The following SFMBT1 variants were observed in gnomAD, a reference collection of about 807,000 sequenced individuals.
SFMBT1 encodes the protein scm-like with four MBT domains protein 1.
SFMBT1 carries 32 observed loss-of-function variants against 108.7 expected under a neutral mutation model. That is an observed-to-expected ratio of 0.29 (90% CI 0.22 to 0.40). The LOEUF (loss-of-function observed/expected upper bound fraction) is 0.40. SFMBT1 is among the 10% of genes least tolerant of loss of function. The pLI, the probability that SFMBT1 is intolerant of heterozygous loss-of-function variation, is 1.00. For synonymous variants in SFMBT1, 348 were observed against 369.5 expected (o/e 0.94, Z 0.67); for missense variants, 816 against 1,059.6 (o/e 0.77, Z 3.19).
chr3:52,972,873 C>CACACAT (rs1553639763), intron 1 of SFMBT1, among the ~76,000 whole-genome samples: 41 of 150,214 alleles, frequency 2.7e-4, no homozygotes, highest in African/African-American at 9.7e-4. Flanking sequence ...CACACACACA[C>CACACAT]ACTAGCTGAG....
chr3:53,028,577 A>G (rs1297812594), intron 1 of SFMBT1, among the ~76,000 whole-genome samples: 1 of 151,212 alleles, frequency 6.6e-6, no homozygotes, highest in Admixed American at 6.6e-5. Flanking sequence ...GGAGGCTGAG[A>G]TGGGAAAACA....
Position 52,969,225 on chromosome 3 carries a change from G to T in SFMBT1, c.-97C>A. 1 of 1,579,090 alleles carries T rather than the reference G, an allele frequency of 6.3e-7. No individual in the cohort carries two copies. The highest frequency in any genetic ancestry group is 8.6e-7 in the Non-Finnish European group (1 of 1,167,854). ...GATTACTTGCAGGTTTCAAGCATCT[G>T]TTCAATGGGTATCCACGGGTCCAAA... On this transcript the variant is annotated 5_prime_UTR_variant, in exon 2 of 21. Coordinates refer to ENST00000394752, the MANE Select transcript of SFMBT1 (RefSeq NM_016329.4).
At chr3:52,924,468 C>T (rs968930893) in intron 10 of SFMBT1, among the ~76,000 whole-genome samples, 3 of 151,974 alleles carry the variant, frequency 2.0e-5, no homozygotes, top group Non-Finnish European at 4.4e-5. Flanking sequence ...ATGGTGAAAC[C>T]CAGTCTCTGC....
intron 2 of SFMBT1, among the ~76,000 whole-genome samples, chr3:52,955,290 G>A (rs756858394): frequency 6.6e-6 from 1 of 152,036 alleles, no homozygotes; most frequent in Non-Finnish European, 1.5e-5. Flanking sequence ...GCACATGCCT[G>A]TAATCCCAGC....
intron 1 of SFMBT1, among the ~76,000 whole-genome samples, chr3:53,009,947 C>T (rs1698886251): frequency 1.3e-5 from 2 of 152,118 alleles, no homozygotes; most frequent in African/African-American, 4.8e-5. Flanking sequence ...ATGGGTTGGT[C>T]TTGCTGTCTC....
intron 1 of SFMBT1, among the ~76,000 whole-genome samples, chr3:53,032,661 C>T (rs1463938187): frequency 6.6e-6 from 1 of 152,196 alleles, no homozygotes; most frequent in Non-Finnish European, 1.5e-5. Context: ...TGCTTCCATG[C>T]ATTCATTCAG....
rs533224359 is a variant in SFMBT1, at chr3:52,951,783, G to A, written c.123+2534C>T. 4.3e-4 allele frequency among the ~76,000 whole-genome samples: 65 copies of A among 152,304 alleles called. 1 individual carries two copies. In the South Asian group the frequency reaches 0.013, roughly 31 times the overall value. On this transcript the variant is annotated intron_variant, in intron 3 of 20. Transcript: ENST00000394752. ...TTAAGCGGTTTTCTGCCCTGGGCGG[G>A]CCAGGTGTTCCTTGCCCTCATTCCC...
intron 1 of SFMBT1, among the ~76,000 whole-genome samples, chr3:53,013,890 A>G (rs1222740313): frequency 6.6e-6 from 1 of 151,918 alleles, no homozygotes. Context: ...CAGCCTCCCA[A>G]AGTGCTGGGA....
chr3:53,037,303 C>G (rs1192324935), intron 1 of SFMBT1, among the ~76,000 whole-genome samples: 1 of 152,102 alleles, frequency 6.6e-6, no homozygotes, highest in African/African-American at 2.4e-5. Flanking sequence ...GAGAATGGAG[C>G]CTGACAACAA....
chr3:52,954,037 A>G (rs1703688092), intron 3 of SFMBT1, among the ~76,000 whole-genome samples: 1 of 152,186 alleles, frequency 6.6e-6, no homozygotes. Flanking sequence ...AGGCAGGAGA[A>G]TGGCGTGAAC....
intron 11 of SFMBT1, 73 bp downstream of exon 11, chr3:52,921,632 C>A: frequency 6.6e-7 from 1 of 1,513,460 alleles, no homozygotes; most frequent in Non-Finnish European, 8.9e-7. Context: ...GTTTAACAGG[C>A]AACATTACAG....
intron 9 of SFMBT1, among the ~76,000 whole-genome samples, chr3:52,926,951 C>A (rs1057282761): frequency 6.6e-6 from 1 of 152,188 alleles, no homozygotes; most frequent in Non-Finnish European, 1.5e-5. Flanking sequence ...CAATGCCTGA[C>A]AGTACATTTT....
chr3:52,910,474 C>T (rs2106762783), intron 17 of SFMBT1, among the ~76,000 whole-genome samples: 1 of 152,252 alleles, frequency 6.6e-6, no homozygotes, highest in East Asian at 1.9e-4. Context: ...AAAAATTACC[C>T]TTACATTTTT....
Position 53,000,669 on chromosome 3 carries a change from C to T in SFMBT1, c.-130-31411G>A, listed in dbSNP as rs775401994. Among the ~76,000 whole-genome samples, 5 of 149,822 alleles carry T rather than the reference C, an allele frequency of 3.3e-5. 1 individual carries two copies. Among genetic ancestry groups the T allele is most frequent in the Non-Finnish European group, 6.0e-5 (4 of 67,002 alleles). On this transcript the variant is annotated intron_variant, in intron 1 of 20. Transcript: ENST00000394752. The stretch of plus-strand genomic sequence containing the variant: ...AGACAAAGTGAGAACTCAGCAAAAA[C>T]GTAAATTAGTACAGGTTTGTTGGAA...
At chr3:52,939,567 C>T (rs898019995) in intron 4 of SFMBT1, among the ~76,000 whole-genome samples, 1 of 152,106 alleles carries the variant, frequency 6.6e-6, no homozygotes, top group Non-Finnish European at 1.5e-5. Context: ...AAGAGTGACA[C>T]TCTGTCTCAA....
At chr3:53,031,334 T>C (rs1179916020) in intron 1 of SFMBT1, among the ~76,000 whole-genome samples, 1 of 152,178 alleles carries the variant, frequency 6.6e-6, no homozygotes. Flanking sequence ...ATTGCCTCTT[T>C]GTAACTACTG....
At chr3:52,927,050 A>G (rs192363993) in intron 9 of SFMBT1, among the ~76,000 whole-genome samples, 50 of 152,256 alleles carry the variant, frequency 3.3e-4, no homozygotes. Flanking sequence ...AAGCTTCAGT[A>G]TTTTTAACAA....
intron 2 of SFMBT1, among the ~76,000 whole-genome samples, chr3:52,960,415 G>C (rs1703921374): frequency 1.3e-5 from 2 of 152,028 alleles, no homozygotes; most frequent in Admixed American, 6.6e-5. Context: ...CTAATCATTA[G>C]GGAAATGCAA....
intron 1 of SFMBT1, among the ~76,000 whole-genome samples, chr3:52,986,946 T>C (rs542923279): frequency 6.6e-6 from 1 of 151,976 alleles, no homozygotes; most frequent in East Asian, 1.9e-4. Flanking sequence ...TCTCAAAATA[T>C]ATATATTTTT....
Sources: allele counts gnomAD v4.1 joint callset (sites outside exome capture counted in the v4.1 genomes callset), GRCh38; gene constraint gnomAD v4.1.1; transcripts MANE v1.5; gene names NCBI Gene and HGNC (gene_info 2026-07-23, HGNC 2026-07-21).